SRCIN1: variants seen among roughly 807,000 people sequenced by gnomAD.
SRCIN1 encodes the protein P130Cas-associated protein.
Under a neutral mutation model 116.2 loss-of-function variants are expected in SRCIN1, and 50 were observed. That is an observed-to-expected ratio of 0.43 (90% confidence interval 0.34 to 0.54). The LOEUF (loss-of-function observed/expected upper bound fraction) is 0.54, where lower values mean the gene tolerates loss of function less well. SRCIN1 is among the 20% of genes least tolerant of loss of function. The pLI is 0.02. For missense variants in SRCIN1, 1,446 were observed against 1,672.0 expected (o/e 0.86, Z 2.36); for synonymous variants, 736 against 750.0 (o/e 0.98, Z 0.30).
intron 18 of SRCIN1, among the ~76,000 whole-genome samples, chr17:38,539,571 G>A (rs1904600904): frequency 6.6e-6 from 1 of 152,094 alleles, no homozygotes; most frequent in Non-Finnish European, 1.5e-5. Flanking sequence ...CAGCAGCTGT[G>A]CCCTCCACAG....
chr17:38,583,111 C>A (rs527774779), intron 1 of SRCIN1, among the ~76,000 whole-genome samples: 45 of 152,282 alleles, frequency 3.0e-4, no homozygotes, highest in African/African-American at 8.4e-4. Flanking sequence ...ACTCTGTTGC[C>A]CAGGCTGGAG....
At chr17:38,595,073 C>T (rs922772358) in intron 1 of SRCIN1, among the ~76,000 whole-genome samples, 5 of 152,132 alleles carry the variant, frequency 3.3e-5, no homozygotes, top group African/African-American at 1.2e-4. Context: ...AGGACAGGCC[C>T]CCACAGCCAG....
intron 1 of SRCIN1, among the ~76,000 whole-genome samples, chr17:38,581,616 T>G (rs1907827443): frequency 6.6e-6 from 1 of 152,048 alleles, no homozygotes; most frequent in Admixed American, 6.6e-5. Context: ...CAAAGTGAGC[T>G]AACAAAAACG....
chr17:38,604,784 G>A lies in SRCIN1; in HGVS notation c.22+900C>T, dbSNP rs559149503. ...GACGTAGCAGGGGGGTGCGTGGGAGGGGAGGGGGGGCCACGGTGCGTCCCC... is the reference window on the plus strand; with the variant it reads ...GACGTAGCAGGGGGGTGCGTGGGAGAGGAGGGGGGGCCACGGTGCGTCCCC... On this transcript the variant is annotated intron_variant, in intron 1 of 18. Transcript: ENST00000617146. This position sits in a 1 kb window ranked among gnomAD's most constrained non-coding sequence, Gnocchi z 4.3. Among the ~76,000 whole-genome samples, 1 of 152,104 alleles carries A rather than the reference G, an allele frequency of 6.6e-6. No individual in the cohort carries two copies. Among genetic ancestry groups the A allele is most frequent in the Non-Finnish European group, 1.5e-5 (1 of 67,938 alleles).
rs1478064616 is a variant in SRCIN1, at chr17:38,552,064, G to A, written c.2549C>T (p.Ala850Val). 2.5e-6 allele frequency: 4 copies of A among 1,613,618 alleles called. No individual in the cohort carries two copies. The African/African-American group carries it at 5.3e-5, about 22-fold the overall frequency. Residue 850 changes from alanine to valine, a missense_variant, in exon 14 of 19, where the codon GCA (alanine) becomes GTA (valine). By Grantham distance (64) the Ala-to-Val change is moderately conservative. Around this residue, in one of 5 missense-constraint regions of SRCIN1, gnomAD observed 531 missense variants for 633.9 expected, o/e 0.84. Coordinates refer to ENST00000617146, the MANE Select transcript of SRCIN1 (RefSeq NM_025248.3). The surrounding 1 kb of genome is among the most constrained non-coding windows in gnomAD (Gnocchi z 5.3). ...CACGCTCTTGTTGAAGTCAGTCTCT[G>A]CCGTCACCTTCTTGGGGGACTGACT... ...LLSQSPKKVT[A>V]ETDFNKSVDF...
intron 18 of SRCIN1, among the ~76,000 whole-genome samples, chr17:38,537,800 AAAG>A (rs1904484928): frequency 1.3e-5 from 2 of 149,142 alleles, no homozygotes; most frequent in African/African-American, 2.5e-5. Flanking sequence ...CAAAAAAAAA[AAAG>A]AAAGAAAAAA....
chr17:38,564,932 C>T (rs993775624), intron 3 of SRCIN1, among the ~76,000 whole-genome samples: 2 of 152,164 alleles, frequency 1.3e-5, no homozygotes, highest in East Asian at 1.9e-4. Flanking sequence ...GGATTTGAGA[C>T]GACCTGCCCA....
chr17:38,553,931 G>A (rs1180140704), intron 11 of SRCIN1, among the ~76,000 whole-genome samples: 1 of 152,174 alleles, frequency 6.6e-6, no homozygotes, highest in East Asian at 1.9e-4. Context: ...AGAGCTCCCC[G>A]CTAGGCATGG....
intron 1 of SRCIN1, among the ~76,000 whole-genome samples, chr17:38,593,015 C>T (rs2143416144): frequency 6.6e-6 from 1 of 152,230 alleles, no homozygotes; most frequent in African/African-American, 2.4e-5. Context: ...CCTGAAGGTA[C>T]TGAGTTTGCT....
intron 2 of SRCIN1, among the ~76,000 whole-genome samples, chr17:38,569,851 G>T (rs1303365970): frequency 1.3e-5 from 2 of 152,156 alleles, no homozygotes; most frequent in Non-Finnish European, 2.9e-5. Flanking sequence ...GGCTCCAGCG[G>T]CAGCTGACTG....
In SRCIN1 at chr17:38,604,437, G is replaced by A; in HGVS notation, c.22+1247C>T. On this transcript the variant is annotated intron_variant, in intron 1 of 18. Coordinates refer to ENST00000617146, the MANE Select transcript of SRCIN1 (RefSeq NM_025248.3). This position sits in a 1 kb window ranked among gnomAD's most constrained non-coding sequence, Gnocchi z 4.3. ...CCCACAACATTTGAGGAGGGGGGCT[G>A]GGAAGATCCCCCTCCTTGCATACTT... The A allele has an allele frequency of 4.6e-6, 2 of 435,490 alleles. No homozygotes were observed. Among genetic ancestry groups the A allele is most frequent in the South Asian group, 3.3e-5 (2 of 61,446 alleles). 27.0% of individuals were successfully genotyped at this position (435,490 alleles called of 1,614,324 possible).
chr17:38,559,876 A>G (rs554914983), intron 9 of SRCIN1, 104 bp from the exon 10 acceptor site: 5 of 1,422,070 alleles, frequency 3.5e-6, no homozygotes, highest in Non-Finnish European at 4.7e-6. Context: ...CACAGTAGCC[A>G]GAGAAGCCCG....
chr17:38,547,774 T>G, intron 17 of SRCIN1: 2 of 266,550 alleles, frequency 7.5e-6, no homozygotes, highest in South Asian at 2.8e-5. Context: ...GTGTAGGGCC[T>G]GGGGCTGAGC....
rs1189878516 is a variant in SRCIN1, at chr17:38,543,948, G to A, written c.3292C>T (p.Pro1098Ser). 6.3e-7 allele frequency: 1 copy of A among 1,588,446 alleles called. No homozygotes were observed. The highest frequency in any genetic ancestry group is 8.5e-7 in the Non-Finnish European group (1 of 1,172,878). ...ELESGGGSVP[P>S]MKVVTPGASR... ...GCCCCCGGAGTCACCACCTTCATGG[G>A]TGGTACACTGCCTCCGCCACTCTGC... Residue 1098 changes from proline to serine, a missense_variant, in exon 18 of 19, where the codon CCC becomes TCC. By Grantham distance (74) the Pro-to-Ser change is moderately conservative. This residue lies in a region of SRCIN1 where 531 missense variants were observed against 633.9 expected (regional missense o/e 0.84). Transcript: ENST00000617146.
Position 38,559,905 on chromosome 17 carries a change from G to A in SRCIN1, c.1838-133C>T, listed in dbSNP as rs574699178. The A allele has an allele frequency of 2.2e-6, 3 of 1,363,804 alleles. No homozygotes were observed. The African/African-American group carries it at 4.3e-5, about 20-fold the overall frequency. The allele number at this position is 1,363,804 out of a possible 1,614,324, so 84.5% of individuals were successfully genotyped here. A position where few individuals can be genotyped will look rare whatever the true frequency, so the allele number is the denominator to read the frequency against. ...AAGCCCGTGGCTCTACCTGCCCCAA[G>A]TGGTCAGCCCTAACGGTGGGGACCA... On this transcript the variant is annotated intron_variant, in intron 9 of 18. Coordinates refer to ENST00000617146, the MANE Select transcript of SRCIN1 (RefSeq NM_025248.3).
chr17:38,564,244 C>A lies in SRCIN1; in HGVS notation c.415G>T (p.Ala139Ser). Residue 139 changes from alanine (A) to serine (S), a missense_variant, in exon 4 of 19, where the codon GCC (alanine) becomes TCC (serine). Physicochemically the swap from Ala to Ser is moderately conservative, Grantham distance 99. Transcript: ENST00000617146. The stretch of plus-strand genomic sequence containing the variant: ...ATGGTCTCCAGCGACTCGGCGGAGG[C>A]GTAGGACAGCTTTGCCGCCTGGTCT... ...LADQAAKLSY[A>S]SAESLETMSE... 1 of 1,576,976 alleles carries A rather than the reference C, an allele frequency of 6.3e-7. No individual in the cohort carries two copies. The highest frequency in any genetic ancestry group is 8.6e-7 in the Non-Finnish European group (1 of 1,163,304).
intron 1 of SRCIN1, among the ~76,000 whole-genome samples, chr17:38,593,865 C>G (rs899391855): frequency 5.9e-5 from 9 of 152,202 alleles, no homozygotes; most frequent in Non-Finnish European, 4.4e-5. Flanking sequence ...ACTCCCACCC[C>G]CTACACCCTC....
Position 38,562,997 on chromosome 17 carries a change from C to T in SRCIN1, c.741-77G>A. 2 of 1,280,724 alleles carry T rather than the reference C, an allele frequency of 1.6e-6. No individual in the cohort carries two copies. The highest frequency in any genetic ancestry group is 2.2e-6 in the Non-Finnish European group (2 of 899,700). 79.3% of individuals were successfully genotyped at this position (1,280,724 alleles called of 1,614,324 possible). On this transcript the variant is annotated intron_variant, in intron 5 of 18. Coordinates refer to ENST00000617146, the MANE Select transcript of SRCIN1 (RefSeq NM_025248.3). The surrounding 1 kb of genome is among the most constrained non-coding windows in gnomAD (Gnocchi z 4.2). ...ATGAGAAGGGATGGCTACTCCAGGC[C>T]TAGAGAAGAGGGGTGGCCAGAGGCA...
At chr17:38,577,538 G>A (rs1907494452) in intron 2 of SRCIN1, among the ~76,000 whole-genome samples, 1 of 152,158 alleles carries the variant, frequency 6.6e-6, no homozygotes, top group Admixed American at 6.5e-5. Context: ...CCCGGAAAAG[G>A]GAGACAGGGA....
Sources: allele counts gnomAD v4.1 joint callset (sites outside exome capture counted in the v4.1 genomes callset), GRCh38; gene constraint gnomAD v4.1.1; regional missense constraint gnomAD v4.1.1; non-coding constraint Gnocchi (gnomAD v3.1); transcripts MANE v1.5; gene names NCBI Gene and HGNC (gene_info 2026-07-23, HGNC 2026-07-21).